The following ZEB1 variants were observed in gnomAD, a reference collection of about 807,000 sequenced individuals.
ZEB1 encodes zinc finger E-box binding homeobox 1.
A neutral mutation model predicts 84.9 loss-of-function variants in ZEB1; 21 were observed. The observed-to-expected ratio is 0.25, with a 90% CI of 0.18 to 0.36. The LOEUF is 0.36. Among genes scored for constraint, ZEB1 ranks in the 10% least tolerant of loss-of-function variants. The pLI, the probability that ZEB1 is intolerant of heterozygous loss-of-function variation, is 1.00. For synonymous variants in ZEB1, 420 were observed against 471.1 expected (o/e 0.89, Z 1.41); for missense variants, 1,104 against 1,330.2 (o/e 0.83, Z 2.65).
chr10:31,506,454 G>T (rs1034027936), intron 4 of ZEB1, among the ~76,000 whole-genome samples: 5 of 151,820 alleles, frequency 3.3e-5, no homozygotes, highest in Admixed American at 1.3e-4. Context: ...CCAGTCTTGG[G>T]TACATATATG....
intron 1 of ZEB1, among the ~76,000 whole-genome samples, chr10:31,377,840 A>G (rs2046935353): frequency 6.6e-6 from 1 of 151,748 alleles, no homozygotes; most frequent in Non-Finnish European, 1.5e-5. Flanking sequence ...TTAACTTTTT[A>G]TAAATGAATT....
At chr10:31,354,270 T>C (rs1310562974) in intron 1 of ZEB1, among the ~76,000 whole-genome samples, 4 of 152,170 alleles carry the variant, frequency 2.6e-5, no homozygotes, top group African/African-American at 9.6e-5. Context: ...AAGTTTTATA[T>C]AAAGCACTTT....
At chr10:31,342,269 T>A (rs2039520593) in intron 1 of ZEB1, among the ~76,000 whole-genome samples, 1 of 152,144 alleles carries the variant, frequency 6.6e-6, no homozygotes, top group Non-Finnish European at 1.5e-5. Flanking sequence ...AAGAAGAGAT[T>A]AAGTAACTTA....
At chr10:31,319,522 C>T (rs1434317112) in intron 1 of ZEB1, 2 of 549,706 alleles carry the variant, frequency 3.6e-6, no homozygotes, top group Non-Finnish European at 6.4e-6. Context: ...TACCTGGTCT[C>T]TCTCCGCCTA....
chr10:31,391,379 A>G (rs906247111), intron 1 of ZEB1, among the ~76,000 whole-genome samples: 4 of 151,914 alleles, frequency 2.6e-5, no homozygotes, highest in African/African-American at 9.7e-5. Flanking sequence ...CTTTCGGTAT[A>G]TATTTTTCTT....
chr10:31,378,372 T>C (rs1005324050), intron 1 of ZEB1, among the ~76,000 whole-genome samples: 16 of 151,602 alleles, frequency 1.1e-4, no homozygotes, highest in Admixed American at 9.2e-4. Context: ...GATGCTAACA[T>C]AGTCATAATT....
rs564587080 is a variant in ZEB1, at chr10:31,390,222, T to C, written c.59-70815T>C. On this transcript the variant is annotated intron_variant, in intron 1 of 8. Transcript: ENST00000424869. Reference sequence around the variant, plus strand: ...TCAAATTTGACTGGGTGTCCTATATTTTATCTGACAACCCTTCTCTGGTTT... The same window carrying C: ...TCAAATTTGACTGGGTGTCCTATATCTTATCTGACAACCCTTCTCTGGTTT... Among the ~76,000 whole-genome samples the C allele has an allele frequency of 2.6e-5, 4 of 152,324 alleles. No homozygotes were observed. The East Asian group carries it at 5.8e-4, about 22-fold the overall frequency.
chr10:31,324,092 A>G (rs1355000132), intron 1 of ZEB1, among the ~76,000 whole-genome samples: 1 of 151,914 alleles, frequency 6.6e-6, no homozygotes, highest in Non-Finnish European at 1.5e-5. Context: ...TTAAATGTTT[A>G]TGAACTCAGA....
At chr10:31,401,838 TA>T (rs924373317) in intron 1 of ZEB1, among the ~76,000 whole-genome samples, 10 of 152,154 alleles carry the variant, frequency 6.6e-5, no homozygotes, top group Admixed American at 3.9e-4. Context: ...CTTACAGATA[TA>T]ACTCCAACCA....
chr10:31,339,595 C>A (rs1276835320), intron 1 of ZEB1, among the ~76,000 whole-genome samples: 2 of 151,802 alleles, frequency 1.3e-5, no homozygotes, highest in Non-Finnish European at 2.9e-5. Context: ...TGGTGAAACC[C>A]CTTCTCTACT....
At chr10:31,415,248 A>T (rs927510656) in intron 1 of ZEB1, among the ~76,000 whole-genome samples, 2 of 152,144 alleles carry the variant, frequency 1.3e-5, no homozygotes, top group African/African-American at 4.8e-5. Flanking sequence ...GTACAGTGCT[A>T]GTAAAATATA....
chr10:31,339,976 T>G (rs1369753932), intron 1 of ZEB1, among the ~76,000 whole-genome samples: 2 of 152,084 alleles, frequency 1.3e-5, no homozygotes, highest in Non-Finnish European at 2.9e-5. Flanking sequence ...TAAATCCATA[T>G]CAACACAGCA....
At chr10:31,333,848 G>A (rs1297014411) in intron 1 of ZEB1, among the ~76,000 whole-genome samples, 1 of 151,996 alleles carries the variant, frequency 6.6e-6, no homozygotes, top group African/African-American at 2.4e-5. Context: ...TCGCTTGAAA[G>A]TAAAAAGGAT....
At chr10:31,402,279 A>G (rs537626387) in intron 1 of ZEB1, among the ~76,000 whole-genome samples, 39 of 152,154 alleles carry the variant, frequency 2.6e-4, no homozygotes, top group African/African-American at 7.9e-4. Flanking sequence ...TAGCAGTACT[A>G]TTTGCCTTCT....
intron 6 of ZEB1, 61 bp downstream of exon 6, chr10:31,514,769 A>G (rs1392397105): frequency 1.8e-5 from 24 of 1,338,556 alleles, no homozygotes; most frequent in Non-Finnish European, 2.4e-5. Flanking sequence ...ATAAATAAAT[A>G]TCATAACATG....
intron 1 of ZEB1, among the ~76,000 whole-genome samples, chr10:31,431,346 A>G (rs552205645): frequency 6.6e-6 from 1 of 152,302 alleles, no homozygotes; most frequent in African/African-American, 2.4e-5. Context: ...TCATTATACT[A>G]TACACTTGAT....
At chr10:31,478,969 C>T (rs1214638725) in intron 2 of ZEB1, among the ~76,000 whole-genome samples, 1 of 151,746 alleles carries the variant, frequency 6.6e-6, no homozygotes, top group Non-Finnish European at 1.5e-5. Flanking sequence ...GCCCAAACCT[C>T]ACTATTATGT....
intron 1 of ZEB1, chr10:31,355,031 T>C (rs766512205): frequency 3.3e-5 from 5 of 152,224 alleles, no homozygotes; most frequent in Non-Finnish European, 7.4e-5. Context: ...TCCTTTGTTA[T>C]TAAAAGTTCT....
At chr10:31,418,946 A>G (rs1312611878) in intron 1 of ZEB1, among the ~76,000 whole-genome samples, 2 of 152,120 alleles carry the variant, frequency 1.3e-5, no homozygotes, top group East Asian at 1.9e-4. Context: ...TATAATGTAC[A>G]TATTCAAAAA....
Sources: gnomAD v4.1 joint callset for allele counts (sites outside exome capture counted in the v4.1 genomes callset) on GRCh38, gnomAD v4.1.1 for gene constraint, MANE v1.5 for transcripts, NCBI Gene and HGNC (gene_info 2026-07-23, HGNC 2026-07-21) for gene names.